HHIP: variants seen among roughly 807,000 people sequenced by gnomAD.
The protein encoded by HHIP is hedgehog-interacting protein.
In HHIP, 12 loss-of-function variants were observed where a neutral mutation model predicts 74.0. The ratio of observed to expected loss-of-function variants is 0.16; its 90% confidence interval spans 0.10 to 0.26. HHIP has a LOEUF of 0.26. HHIP is among the 10% of genes least tolerant of loss of function. HHIP has a pLI of 1.00. For synonymous variants in HHIP, 309 were observed against 311.6 expected (o/e 0.99, Z 0.09); for missense variants, 788 against 845.0 (o/e 0.93, Z 0.84).
At chr4:144,709,426 A>C (rs1158108642) in intron 7 of HHIP, among the ~76,000 whole-genome samples, 4 of 152,074 alleles carry the variant, frequency 2.6e-5, no homozygotes, top group Non-Finnish European at 5.9e-5. Flanking sequence ...GCTTTCTCAC[A>C]ACCTTCCTGG....
At chr4:144,692,217 G>A (rs184514048) in intron 4 of HHIP, among the ~76,000 whole-genome samples, 1 of 152,056 alleles carries the variant, frequency 6.6e-6, no homozygotes, top group Admixed American at 6.6e-5. Flanking sequence ...AAGCTCAGGG[G>A]TGTTAAATTA....
In HHIP at chr4:144,646,965, A is replaced by C; in HGVS notation, c.279+11A>C. The C allele has an allele frequency of 6.3e-7, 1 of 1,584,168 alleles. No homozygotes were observed. The highest frequency in any genetic ancestry group is 8.6e-7 in the Non-Finnish European group (1 of 1,163,866). On this transcript the variant is annotated intron_variant, in intron 1 of 12. Coordinates refer to ENST00000296575, the MANE Select transcript of HHIP (RefSeq NM_022475.3). ...CGCCTGGAGAATAAGGTAGGCACTC[A>C]CCGGCTTCACGGATGCGTACTTGGC...
intron 4 of HHIP, among the ~76,000 whole-genome samples, chr4:144,660,824 T>A (rs1728693547): frequency 6.6e-6 from 1 of 152,210 alleles, no homozygotes; most frequent in Non-Finnish European, 1.5e-5. Context: ...ATGTACATTT[T>A]ACTTAATCTG....
intron 4 of HHIP, among the ~76,000 whole-genome samples, chr4:144,674,803 G>C (rs1294399471): frequency 6.6e-6 from 1 of 152,114 alleles, no homozygotes; most frequent in East Asian, 1.9e-4. Flanking sequence ...TCTTAAAAGT[G>C]AATTCCAGAA....
intron 11 of HHIP, among the ~76,000 whole-genome samples, chr4:144,720,640 T>C (rs533020406): frequency 2.6e-5 from 4 of 152,248 alleles, no homozygotes; most frequent in East Asian, 3.9e-4. Context: ...CTTCTCATTA[T>C]GGTGCCTGTT....
Position 144,744,999 on chromosome 4 carries a change from A to G in HHIP, c.*7042A>G, listed in dbSNP as rs1731345317. ...TGTATACACACTATCTATGTAAAATATAATATATGTATAATGCATATAAAT... is the reference window on the plus strand; with the variant it reads ...TGTATACACACTATCTATGTAAAATGTAATATATGTATAATGCATATAAAT... On this transcript the variant is annotated 3_prime_UTR_variant, in exon 13 of 13. Coordinates refer to ENST00000296575, the MANE Select transcript of HHIP (RefSeq NM_022475.3). The G allele has an allele frequency of 6.6e-6, 1 of 152,232 alleles. No individual in the cohort carries two copies. The allele number at this position is 152,232 out of a possible 1,614,324, so 9.4% of individuals were successfully genotyped here.
chr4:144,676,147 A>C (rs997577257), intron 4 of HHIP, among the ~76,000 whole-genome samples: 1 of 152,198 alleles, frequency 6.6e-6, no homozygotes, highest in Admixed American at 6.5e-5. Flanking sequence ...GATGGGGAAA[A>C]TATTAAATTA....
chr4:144,729,109 G>C (rs1033129547), intron 11 of HHIP, among the ~76,000 whole-genome samples: 7 of 152,106 alleles, frequency 4.6e-5, no homozygotes, highest in African/African-American at 1.7e-4. Context: ...TTAATAAAAA[G>C]ATGACACAGC....
chr4:144,701,912 C>A (rs1390851825), intron 4 of HHIP, among the ~76,000 whole-genome samples: 1 of 152,160 alleles, frequency 6.6e-6, no homozygotes, highest in Non-Finnish European at 1.5e-5. Context: ...AAAAAACTAA[C>A]TGTAACCACA....
intron 8 of HHIP, among the ~76,000 whole-genome samples, chr4:144,713,348 T>C (rs1730353448): frequency 6.6e-6 from 1 of 152,134 alleles, no homozygotes; most frequent in Admixed American, 6.6e-5. Context: ...GCTCATTATT[T>C]AAAATTTCTC....
At chr4:144,707,793 G>A (rs1206631099) in intron 6 of HHIP, among the ~76,000 whole-genome samples, 1 of 151,988 alleles carries the variant, frequency 6.6e-6, no homozygotes, top group Non-Finnish European at 1.5e-5. Context: ...TATTTATTCA[G>A]ACAAGGTCTC....
intron 4 of HHIP, among the ~76,000 whole-genome samples, chr4:144,688,846 T>C (rs116395528): frequency 6.6e-6 from 1 of 152,180 alleles, no homozygotes; most frequent in South Asian, 2.1e-4. Flanking sequence ...ATGAAGGCCA[T>C]AGACATTTTA....
intron 4 of HHIP, among the ~76,000 whole-genome samples, chr4:144,670,073 G>A (rs1728990347): frequency 6.7e-6 from 1 of 150,008 alleles, no homozygotes; most frequent in Non-Finnish European, 1.5e-5. Context: ...GAACCCAGGA[G>A]GCAGAGGTTT....
At chr4:144,666,705 A>G (rs1200890291) in intron 4 of HHIP, among the ~76,000 whole-genome samples, 1 of 152,204 alleles carries the variant, frequency 6.6e-6, no homozygotes, top group Non-Finnish European at 1.5e-5. Context: ...TAAGAAAACA[A>G]GACTGGTGAT....
At chr4:144,718,201 T>C (rs756364433) in intron 10 of HHIP, among the ~76,000 whole-genome samples, 1 of 152,106 alleles carries the variant, frequency 6.6e-6, no homozygotes, top group Non-Finnish European at 1.5e-5. Context: ...GAAGGTGCGA[T>C]TTTAAAGTGC....
At chr4:144,711,876 A>T in intron 7 of HHIP, 74 bp from the exon 8 acceptor site, 22 of 1,462,282 alleles carry the variant, frequency 1.5e-5, no homozygotes, top group Non-Finnish European at 2.1e-5. Context: ...GCTCCTTCCT[A>T]TGTCAGGAAT....
chr4:144,678,989 C>T (rs1729255670), intron 4 of HHIP, among the ~76,000 whole-genome samples: 3 of 152,210 alleles, frequency 2.0e-5, no homozygotes, highest in Admixed American at 2.0e-4. Flanking sequence ...AATTTACACT[C>T]CCACCAACAG....
At chr4:144,717,751 T>C (rs1027299868) in intron 10 of HHIP, among the ~76,000 whole-genome samples, 15 of 149,508 alleles carry the variant, frequency 1.0e-4, no homozygotes, top group Admixed American at 2.7e-4. Context: ...CTCTCTCTCT[T>C]TCTCTCTCTC....
chr4:144,711,017 T>C (rs1032312319), intron 7 of HHIP, among the ~76,000 whole-genome samples: 1 of 149,626 alleles, frequency 6.7e-6, no homozygotes, highest in Non-Finnish European at 1.5e-5. Flanking sequence ...TTGAACCAGA[T>C]AACAGGAAGA....
Sources: gnomAD v4.1 joint callset for allele counts (sites outside exome capture counted in the v4.1 genomes callset) on GRCh38, gnomAD v4.1.1 for gene constraint, MANE v1.5 for transcripts, NCBI Gene and HGNC (gene_info 2026-07-23, HGNC 2026-07-21) for gene names.